The following MICU3 variants were observed in gnomAD, a reference collection of about 807,000 sequenced individuals.
The protein encoded by MICU3 is calcium uptake protein 3, mitochondrial.
In MICU3, 62 loss-of-function variants were observed where a neutral mutation model predicts 66.5. That is an observed-to-expected ratio of 0.93 (90% confidence interval 0.76 to 1.15). MICU3 has a LOEUF of 1.15. MICU3 is among the 50% of genes most tolerant of loss of function. The probability of loss-of-function intolerance (pLI) is 0.00; values close to 1 mark genes in which losing one functional copy is unlikely to be tolerated. For missense variants in MICU3, 779 were observed against 664.4 expected (o/e 1.17, Z -1.90); for synonymous variants, 308 against 240.7 (o/e 1.28, Z -2.59).
chr8:17,116,389 A>T (rs1585572314), intron 12 of MICU3, 54 bp from the exon 13 acceptor site: 1 of 1,151,794 alleles, frequency 8.7e-7, no homozygotes, highest in Admixed American at 3.0e-5. Flanking sequence ...AGTAATTAAC[A>T]CATATTATAA....
At chr8:17,075,425 C>G (rs1820233281) in intron 3 of MICU3, among the ~76,000 whole-genome samples, 1 of 152,092 alleles carries the variant, frequency 6.6e-6, no homozygotes, top group African/African-American at 2.4e-5. Context: ...GAGTCATCTC[C>G]TTAGCATAAA....
chr8:17,108,237 C>G (rs891659912), intron 11 of MICU3, among the ~76,000 whole-genome samples: 1 of 152,088 alleles, frequency 6.6e-6, no homozygotes, highest in Non-Finnish European at 1.5e-5. Flanking sequence ...TAATAGTTAT[C>G]TCAATGAAAA....
chr8:17,078,104 A>T (rs1213776990), intron 4 of MICU3, among the ~76,000 whole-genome samples: 1 of 151,872 alleles, frequency 6.6e-6, no homozygotes, highest in African/African-American at 2.4e-5. Context: ...GTATCTTCCA[A>T]ATTTTTTTAT....
downstream of MICU3, among the ~76,000 whole-genome samples, chr8:17,126,045 A>G (rs924349079): frequency 1.3e-5 from 2 of 151,496 alleles, no homozygotes; most frequent in African/African-American, 4.9e-5. Context: ...AAAAAAAAAA[A>G]AAAAAAACCT....
rs1811209975 is a variant in MICU3 at position 17,027,568 on chromosome 8, G to A, written c.289G>A (p.Gly97Arg). The A allele has an allele frequency of 7.8e-7, 1 of 1,281,178 alleles. No homozygotes were observed. Among genetic ancestry groups the A allele is most frequent in the South Asian group, 2.6e-5 (1 of 38,266 alleles). The allele number at this position is 1,281,178 out of a possible 1,614,324, so 79.4% of individuals were successfully genotyped here. A position where few individuals can be genotyped will look rare whatever the true frequency, so the allele number is the denominator to read the frequency against. ...CCCCAGGGCCGGCTCGCCGGCGACC[G>A]GGCGACCCTCAAAGAGCGCGGCCAC... ...GDPRAGSPAT[G>R]RPSKSAATEP... Residue 97 changes from glycine to arginine, a missense_variant, in exon 1 of 15, where the codon GGG becomes AGG. Coordinates refer to ENST00000318063, the MANE Select transcript of MICU3 (RefSeq NM_181723.3).
Position 17,120,815 on chromosome 8 carries a change from A to G in MICU3, c.*528A>G, listed in dbSNP as rs577143441. Reference sequence around the variant, plus strand: ...TTTAATTACACTGAGATAATTTTGAAAAGAAATAGAAATTAAGCTACTATA... The same window carrying G: ...TTTAATTACACTGAGATAATTTTGAGAAGAAATAGAAATTAAGCTACTATA... On this transcript the variant is annotated 3_prime_UTR_variant, in exon 15 of 15. Transcript: ENST00000318063. The G allele has an allele frequency of 5.2e-5, 8 of 152,566 alleles. No homozygotes were observed. Among genetic ancestry groups the G allele is most frequent in the African/African-American group, 1.9e-4 (8 of 41,546 alleles). 9.5% of individuals were successfully genotyped at this position (152,566 alleles called of 1,614,324 possible). A position where few individuals can be genotyped will look rare whatever the true frequency, so the allele number is the denominator to read the frequency against.
chr8:17,102,896 T>C (rs912077205), intron 9 of MICU3, among the ~76,000 whole-genome samples: 1 of 151,920 alleles, frequency 6.6e-6, no homozygotes, highest in Non-Finnish European at 1.5e-5. Context: ...GAAGTAGTAG[T>C]AGAGATCTAC....
At chr8:17,035,682 A>C (rs1298617620) in intron 1 of MICU3, among the ~76,000 whole-genome samples, 2 of 152,206 alleles carry the variant, frequency 1.3e-5, no homozygotes, top group Non-Finnish European at 2.9e-5. Flanking sequence ...GGGTGATGTT[A>C]AAGGCATTCA....
intron 9 of MICU3, among the ~76,000 whole-genome samples, chr8:17,099,600 G>T (rs964909051): frequency 6.6e-6 from 1 of 151,712 alleles, no homozygotes; most frequent in Non-Finnish European, 1.5e-5. Flanking sequence ...ATGTAATTAT[G>T]ACCAACAATT....
At chr8:17,128,215 TC>T in the MICU3 span, among the ~76,000 whole-genome samples, 1 of 144,276 alleles carries the variant, frequency 6.9e-6, no homozygotes, top group African/African-American at 2.7e-5. Flanking sequence ...TCCCAAAAGT[TC>T]CTGAGATCAG....
rs545756058 is a variant in MICU3 at position 17,036,142 on chromosome 8, G to T, written c.381+8482G>T. Among the ~76,000 whole-genome samples the T allele has an allele frequency of 6.6e-5, 10 of 152,226 alleles. No individual in the cohort carries two copies. In the East Asian group the frequency reaches 1.7e-3, roughly 27 times the overall value. On this transcript the variant is annotated intron_variant, in intron 1 of 14. Transcript: ENST00000318063. ...TGTTCGGAGTTTCTTCCTTCTGGTG[G>T]GTTCGTGGTCTCGCTGGCTCAAGAG...
At chr8:17,041,593 A>G (rs1180136717) in intron 1 of MICU3, among the ~76,000 whole-genome samples, 1 of 147,398 alleles carries the variant, frequency 6.8e-6, no homozygotes, top group Non-Finnish European at 1.5e-5. Context: ...CATGGAATTG[A>G]TTTTTTTTTT....
At chr8:17,123,005 T>A (rs1395490019), downstream of MICU3, among the ~76,000 whole-genome samples, 1 of 152,072 alleles carries the variant, frequency 6.6e-6, no homozygotes, top group Non-Finnish European at 1.5e-5. Flanking sequence ...ATCCTACTAC[T>A]TATAGCCATA....
rs550639458 is a variant in MICU3, at chr8:17,052,221, A to G, written c.382-11863A>G. 4.2e-4 allele frequency among the ~76,000 whole-genome samples: 64 copies of G among 151,990 alleles called. 1 individual carries two copies. The South Asian group carries it at 0.012, about 29-fold the overall frequency. On this transcript the variant is annotated intron_variant, in intron 1 of 14. Transcript: ENST00000318063. ...AGACTTAAATTTTTTTTTGTTTTTTATCATGATACATAATATTTGTATGTA... is the reference window on the plus strand; with the variant it reads ...AGACTTAAATTTTTTTTTGTTTTTTGTCATGATACATAATATTTGTATGTA...
intron 14 of MICU3, 87 bp from the exon 15 acceptor site, chr8:17,120,201 A>T (rs1803093490): frequency 7.9e-6 from 1 of 126,852 alleles, no homozygotes; most frequent in South Asian, 2.6e-4. Flanking sequence ...CTTACGTTTC[A>T]TATTATTATA....
intron 1 of MICU3, among the ~76,000 whole-genome samples, chr8:17,041,002 A>T (rs1813974206): frequency 6.6e-6 from 1 of 152,220 alleles, no homozygotes; most frequent in Non-Finnish European, 1.5e-5. Flanking sequence ...TGTAACTTGT[A>T]CAATAGATCA....
the MICU3 span, among the ~76,000 whole-genome samples, chr8:17,137,069 A>C: frequency 6.6e-6 from 1 of 151,856 alleles, no homozygotes; most frequent in Non-Finnish European, 1.5e-5. Context: ...TCTTGACCTC[A>C]TGATCGGCCT....
In MICU3 at chr8:17,118,769, C is replaced by T. The variant is rs370837627; in HGVS notation, c.1587C>T (p.Ser529=). ...FKSCLKKELH[S]R ...CCTGCCTGAAGAAAGAACTTCACAG[C>T]AGATAAGTATGTTAGCTTCTATTTG... The change falls in exon 14 of 15, where the codon AGC becomes AGT. Residue 529 remains serine (S), a synonymous_variant. Coordinates refer to ENST00000318063, the MANE Select transcript of MICU3 (RefSeq NM_181723.3). 7 of 1,604,416 alleles carry T rather than the reference C, an allele frequency of 4.4e-6. No individual in the cohort carries two copies. The African/African-American group carries it at 9.4e-5, about 21-fold the overall frequency.
chr8:17,098,740 A>G (rs549634159), intron 9 of MICU3, among the ~76,000 whole-genome samples, 187 bp downstream of exon 9: 1 of 151,882 alleles, frequency 6.6e-6, no homozygotes, highest in East Asian at 1.9e-4. Flanking sequence ...GAACTTAATT[A>G]AAAGGAAATG....
Sources: gnomAD v4.1 joint callset for allele counts (sites outside exome capture counted in the v4.1 genomes callset) on GRCh38, gnomAD v4.1.1 for gene constraint, MANE v1.5 for transcripts, NCBI Gene and HGNC (gene_info 2026-07-23, HGNC 2026-07-21) for gene names.